GLI3: variants seen among roughly 807,000 people sequenced by gnomAD.
GLI3 encodes transcription activator GLI3.
A neutral mutation model predicts 100.8 loss-of-function variants in GLI3; 20 were observed. The ratio of observed to expected loss-of-function variants is 0.20; its 90% CI spans 0.14 to 0.29. GLI3 has a LOEUF of 0.29. Among genes scored for constraint, GLI3 ranks in the 10% least tolerant of loss-of-function variants. The pLI is 1.00. For missense variants in GLI3, 2,040 were observed against 2,128.5 expected (o/e 0.96, Z 0.82); for synonymous variants, 938 against 860.5 (o/e 1.09, Z -1.58).
At chr7:42,115,222 T>G (rs1327738792) in intron 3 of GLI3, among the ~76,000 whole-genome samples, 3 of 149,060 alleles carry the variant, frequency 2.0e-5, no homozygotes, top group African/African-American at 7.5e-5. Context: ...CACTGCAACT[T>G]CCATGTCCCA....
intron 7 of GLI3, among the ~76,000 whole-genome samples, chr7:42,034,904 C>T (rs934878099): frequency 2.6e-5 from 4 of 152,016 alleles, no homozygotes; most frequent in Admixed American, 1.3e-4. Flanking sequence ...AGGTGGGGGT[C>T]GTGTCTCTCT....
chr7:42,211,479 G>T (rs932156819), intron 2 of GLI3, among the ~76,000 whole-genome samples: 13 of 152,116 alleles, frequency 8.5e-5, no homozygotes, highest in African/African-American at 3.1e-4. Flanking sequence ...ATGGACCAAC[G>T]TATGTTTTCT....
chr7:41,965,261 G>C lies in GLI3; in HGVS notation c.3812C>G (p.Ala1271Gly). 6.2e-7 allele frequency: 1 copy of C among 1,613,640 alleles called. No individual in the cohort carries two copies. Among genetic ancestry groups the C allele is most frequent in the Non-Finnish European group, 8.5e-7 (1 of 1,179,720 alleles). ...QPVAPGALDG[A>G]CGAGIQASKL... Reference sequence around the variant, plus strand: ...TGAGGCTTGAATCCCGGCACCACAGGCACCGTCGAGTGCACCAGGGGCCAC... The same window carrying C: ...TGAGGCTTGAATCCCGGCACCACAGCCACCGTCGAGTGCACCAGGGGCCAC... The change falls in exon 15 of 15, where the codon GCC becomes GGC. Residue 1271 changes from alanine (A) to glycine (G), a missense_variant. Around this residue, in one of 5 missense-constraint regions of GLI3, gnomAD observed 1,041 missense variants for 924.0 expected, o/e 1.13. Coordinates refer to ENST00000395925, the MANE Select transcript of GLI3 (RefSeq NM_000168.6).
intron 3 of GLI3, among the ~76,000 whole-genome samples, chr7:42,093,428 C>T (rs1785270958): frequency 6.8e-6 from 1 of 148,050 alleles, no homozygotes; most frequent in South Asian, 2.2e-4. Context: ...ATAAGAAACA[C>T]ATATACTCAC....
At chr7:41,993,141 T>A (rs951192605) in intron 10 of GLI3, among the ~76,000 whole-genome samples, 1 of 151,932 alleles carries the variant, frequency 6.6e-6, no homozygotes, top group Non-Finnish European at 1.5e-5. Flanking sequence ...TGACAAAGTG[T>A]CCGGCAAGAA....
intron 2 of GLI3, among the ~76,000 whole-genome samples, chr7:42,189,527 C>T (rs1301466521): frequency 6.6e-6 from 1 of 152,148 alleles, no homozygotes; most frequent in Non-Finnish European, 1.5e-5. Flanking sequence ...AAGCTGTAAT[C>T]AGCCAAAATC....
At position 42,021,986 on chromosome 7, in the gene GLI3, C is replaced by T. The variant is rs115960608; in HGVS notation, c.1497+1482G>A. 3.1e-3 allele frequency among the ~76,000 whole-genome samples: 476 copies of T among 152,218 alleles called. 3 individuals are homozygous for T. Among genetic ancestry groups the T allele is most frequent in the African/African-American group, 0.011 (459 of 41,526 alleles). On this transcript the variant is annotated intron_variant, in intron 10 of 14. Transcript: ENST00000395925. ...CATTAAAACAGTCAGCAAGAATAAACGGCCATTAAGTCAGGCTTGGCTTCA... is the reference window on the plus strand; with the variant it reads ...CATTAAAACAGTCAGCAAGAATAAATGGCCATTAAGTCAGGCTTGGCTTCA...
Position 41,972,682 on chromosome 7 carries a change from C to G in GLI3, c.1813-55G>C, listed in dbSNP as rs1282382771. The stretch of plus-strand genomic sequence containing the variant: ...GATTGTTATGAAAGAGACTATGCCC[C>G]AGCCCAAAAGTCCTTTATGGTTGCT... On this transcript the variant is annotated intron_variant, in intron 12 of 14. Transcript: ENST00000395925. This position sits in a 1 kb window ranked among gnomAD's most constrained non-coding sequence, Gnocchi z 4.4. The G allele has an allele frequency of 6.8e-7, 1 of 1,480,228 alleles. No homozygotes were observed. Among genetic ancestry groups the G allele is most frequent in the East Asian group, 2.3e-5 (1 of 44,260 alleles). 91.7% of individuals were successfully genotyped at this position (1,480,228 alleles called of 1,614,324 possible).
intron 1 of GLI3, among the ~76,000 whole-genome samples, chr7:42,236,443 C>T (rs1038513806): frequency 4.6e-5 from 7 of 152,228 alleles, no homozygotes; most frequent in Non-Finnish European, 8.8e-5. Flanking sequence ...TCACACCACA[C>T]CCCCGCCCTC....
chr7:42,090,203 C>G (rs1261164875), intron 3 of GLI3, among the ~76,000 whole-genome samples: 1 of 152,210 alleles, frequency 6.6e-6, no homozygotes, highest in East Asian at 1.9e-4. Flanking sequence ...GGAAATTGCT[C>G]TGGGTGAGTC....
chr7:42,190,499 A>C (rs1013310395), intron 2 of GLI3, among the ~76,000 whole-genome samples: 1 of 152,176 alleles, frequency 6.6e-6, no homozygotes, highest in Non-Finnish European at 1.5e-5. Flanking sequence ...AGAACATATG[A>C]AAGACTCAAT....
At chr7:42,010,671 G>T (rs1182870283) in intron 10 of GLI3, among the ~76,000 whole-genome samples, 1 of 152,174 alleles carries the variant, frequency 6.6e-6, no homozygotes, top group Non-Finnish European at 1.5e-5. Context: ...CTTTGTTGGG[G>T]TGAAGTGTGA....
chr7:42,192,611 G>A (rs1445554108), intron 2 of GLI3, among the ~76,000 whole-genome samples: 1 of 152,176 alleles, frequency 6.6e-6, no homozygotes, highest in South Asian at 2.1e-4. Context: ...AAGAGAGATG[G>A]GGGCGCTGGA....
intron 2 of GLI3, among the ~76,000 whole-genome samples, chr7:42,214,646 T>C (rs1043814558): frequency 6.7e-6 from 1 of 150,204 alleles, no homozygotes; most frequent in African/African-American, 2.5e-5. Context: ...GAAAGATGCT[T>C]CAAAAAAAGA....
In GLI3 at chr7:41,964,260, A is replaced by C; in HGVS notation, c.*70T>G. 5 of 1,416,970 alleles carry C rather than the reference A, an allele frequency of 3.5e-6. No homozygotes were observed. The highest frequency in any genetic ancestry group is 5.0e-6 in the Non-Finnish European group (5 of 1,005,862). The allele number at this position is 1,416,970 out of a possible 1,614,324, so 87.8% of individuals were successfully genotyped here. On this transcript the variant is annotated 3_prime_UTR_variant, in exon 15 of 15. Coordinates refer to ENST00000395925, the MANE Select transcript of GLI3 (RefSeq NM_000168.6). ...TACATACAGAACTAAAAAAACAGCC[A>C]AAACAAAGTCAGTTTAATCTCTTCA... is the stretch of plus-strand genomic sequence containing the variant.
intron 1 of GLI3, among the ~76,000 whole-genome samples, chr7:42,225,581 G>A (rs558905993): frequency 9.9e-5 from 15 of 152,252 alleles, no homozygotes; most frequent in Non-Finnish European, 2.1e-4. Flanking sequence ...GGCTGGTCTC[G>A]AACTCCTGAC....
rs750334342 is a variant in GLI3, at chr7:42,148,467, C to A, written c.126G>T (p.Glu42Asp). 1.3e-5 allele frequency: 21 copies of A among 1,613,300 alleles called. 1 individual carries two copies. In the Admixed American group the frequency reaches 3.2e-4, roughly 24 times the overall value. The change falls in exon 3 of 15, where the codon GAG (glutamate) becomes GAT (aspartate). Residue 42 changes from glutamate to aspartate, a missense_variant and splice_region_variant. This residue lies in a region of GLI3 where 603 missense variants were observed against 690.9 expected (regional missense o/e 0.87). Coordinates refer to ENST00000395925, the MANE Select transcript of GLI3 (RefSeq NM_000168.6). Reference sequence around the variant, plus strand: ...GATAAGTCTGTCCAGGACTTTCATCCTCTAAAGAAAGAAGAAAAATGAAAG... The same window carrying A: ...GATAAGTCTGTCCAGGACTTTCATCATCTAAAGAAAGAAGAAAAATGAAAG... ...KAVASSTTSN[E>D]DESPGQTYHR...
Position 42,153,479 on chromosome 7 carries a change from A to G in GLI3, c.125-5011T>C, listed in dbSNP as rs920980825. 4.0e-5 allele frequency among the ~76,000 whole-genome samples: 6 copies of G among 151,534 alleles called. No homozygotes were observed. In the East Asian group the frequency reaches 1.2e-3, roughly 30 times the overall value. Reference sequence around the variant, plus strand: ...AAACTCTCCATCATTAAATTACAAAACTGAAGTCAGAATATCAGGCTTTCC... The same window carrying G: ...AAACTCTCCATCATTAAATTACAAAGCTGAAGTCAGAATATCAGGCTTTCC... On this transcript the variant is annotated intron_variant, in intron 2 of 14. Transcript: ENST00000395925.
chr7:42,040,092 C>G lies in GLI3; in HGVS notation c.974G>C (p.Arg325Pro). The change falls in exon 7 of 15, where the codon CGT (arginine) becomes CCT (proline). Residue 325 changes from arginine to proline, a missense_variant. Coordinates refer to ENST00000395925, the MANE Select transcript of GLI3 (RefSeq NM_000168.6). Reference sequence around the variant, plus strand: ...GGAGCCACTTGCTGAAGAGCTGCTACGGGAATTATTGAGAATCGTGACCAA... The same window carrying G: ...GGAGCCACTTGCTGAAGAGCTGCTAGGGGAATTATTGAGAATCGTGACCAA... ...NSLVTILNNS[R>P]SSSSASGSYG... The G allele has an allele frequency of 6.2e-7, 1 of 1,613,970 alleles. No homozygotes were observed. The highest frequency in any genetic ancestry group is 8.5e-7 in the Non-Finnish European group (1 of 1,179,912).
Sources: gnomAD v4.1 joint callset for allele counts (sites outside exome capture counted in the v4.1 genomes callset) on GRCh38, gnomAD v4.1.1 for gene constraint, gnomAD v4.1.1 regional missense constraint, Gnocchi (gnomAD v3.1) non-coding constraint, MANE v1.5 for transcripts, NCBI Gene and HGNC (gene_info 2026-07-23, HGNC 2026-07-21) for gene names.